The following GRID1 variants were observed in gnomAD, a reference collection of about 807,000 sequenced individuals.
GRID1 encodes glutamate receptor ionotropic, delta-1.
In GRID1, 28 loss-of-function variants were observed where a neutral mutation model predicts 98.0. The ratio of observed to expected loss-of-function variants is 0.29; its 90% CI spans 0.21 to 0.39. GRID1 has a LOEUF of 0.39. Among genes scored for constraint, GRID1 ranks in the 10% least tolerant of loss-of-function variants. The pLI, the probability that GRID1 is intolerant of heterozygous loss-of-function variation, is 1.00. For missense variants in GRID1, 1,111 were observed against 1,340.5 expected (o/e 0.83, Z 2.67); for synonymous variants, 553 against 538.5 (o/e 1.03, Z -0.37).
intron 8 of GRID1, among the ~76,000 whole-genome samples, chr10:85,847,761 T>C (rs1843020435): frequency 6.6e-6 from 1 of 151,306 alleles, no homozygotes; most frequent in Admixed American, 6.6e-5. Flanking sequence ...AAAGTATGAG[T>C]AAACAGTATC....
intron 3 of GRID1, among the ~76,000 whole-genome samples, chr10:86,172,940 C>T (rs560582804): frequency 1.3e-5 from 2 of 152,332 alleles, no homozygotes; most frequent in Non-Finnish European, 2.9e-5. Flanking sequence ...ACCTACACCT[C>T]ACCCACCCTC....
At position 86,112,125 on chromosome 10, in the gene GRID1, G is replaced by C. The variant is rs1390316342; in HGVS notation, c.726+26694C>G. The stretch of plus-strand genomic sequence containing the variant: ...CACAGGAGTTGTCCAAGTCATCCCA[G>C]GTGAGGACACAGCACCTCATCCCTA... On this transcript the variant is annotated intron_variant, in intron 4 of 15. Transcript: ENST00000327946. 2.0e-5 allele frequency among the ~76,000 whole-genome samples: 3 copies of C among 152,146 alleles called. No homozygotes were observed. The East Asian group carries it at 5.8e-4, about 29-fold the overall frequency.
intron 2 of GRID1, among the ~76,000 whole-genome samples, chr10:86,291,995 C>T (rs985455498): frequency 2.6e-5 from 4 of 152,242 alleles, no homozygotes; most frequent in African/African-American, 7.2e-5. Flanking sequence ...TATTCCTCTC[C>T]TTCACTGTCA....
intron 12 of GRID1, among the ~76,000 whole-genome samples, chr10:85,698,859 G>A (rs1369877033): frequency 6.6e-6 from 1 of 152,166 alleles, no homozygotes; most frequent in African/African-American, 2.4e-5. Context: ...GTGTGTAGTG[G>A]TATTCCACTG....
chr10:85,888,718 T>A (rs1255063511), intron 5 of GRID1, among the ~76,000 whole-genome samples: 1 of 152,192 alleles, frequency 6.6e-6, no homozygotes, highest in African/African-American at 2.4e-5. Flanking sequence ...TTTTTTCTTG[T>A]CACCTACTTT....
intron 5 of GRID1, among the ~76,000 whole-genome samples, chr10:85,890,691 C>A (rs1456167960): frequency 6.6e-6 from 1 of 152,010 alleles, no homozygotes; most frequent in Non-Finnish European, 1.5e-5. Context: ...GTGCTATCTT[C>A]CTAGCTCTGA....
intron 7 of GRID1, among the ~76,000 whole-genome samples, chr10:85,855,351 G>A (rs1843099666): frequency 6.6e-6 from 1 of 152,222 alleles, no homozygotes; most frequent in South Asian, 2.1e-4. Context: ...AGCCCAGGGT[G>A]AGATTCTCAT....
intron 2 of GRID1, among the ~76,000 whole-genome samples, chr10:86,236,972 T>C (rs4934164): frequency 0.13 from 19,398 of 151,964 alleles, 1,283 homozygotes; most frequent in Middle Eastern, 0.23. Context: ...CGTGGTGAGA[T>C]ACACTCAGGA....
intron 2 of GRID1, among the ~76,000 whole-genome samples, chr10:86,276,783 C>A (rs1009754650): frequency 6.6e-6 from 1 of 152,134 alleles, no homozygotes. Flanking sequence ...AGCCACCGCA[C>A]CCAGCCATCA....
chr10:86,113,863 T>C lies in GRID1; in HGVS notation c.726+24956A>G, dbSNP rs555642057. Among the ~76,000 whole-genome samples the C allele has an allele frequency of 2.0e-4, 30 of 152,286 alleles. No homozygotes were observed. In the South Asian group the frequency reaches 5.4e-3, roughly 27 times the overall value. On this transcript the variant is annotated intron_variant, in intron 4 of 15. Coordinates refer to ENST00000327946, the MANE Select transcript of GRID1 (RefSeq NM_017551.3). The stretch of plus-strand genomic sequence containing the variant: ...CCCAAGAACACCCATCCAGAACTAA[T>C]GGGTAGAAGCCACAGGACAGCTTTT...
chr10:85,764,568 C>A (rs1053466511), intron 8 of GRID1, among the ~76,000 whole-genome samples: 1 of 152,134 alleles, frequency 6.6e-6, no homozygotes, highest in Non-Finnish European at 1.5e-5. Flanking sequence ...CAATACAGGG[C>A]CCAGGAAATG....
intron 4 of GRID1, among the ~76,000 whole-genome samples, chr10:86,068,560 A>G (rs1016822344): frequency 1.3e-5 from 2 of 152,224 alleles, no homozygotes; most frequent in Non-Finnish European, 2.9e-5. Context: ...TCACTGGTCA[A>G]TAGATTGAGG....
intron 2 of GRID1, among the ~76,000 whole-genome samples, chr10:86,223,642 G>C (rs548681444): frequency 6.6e-6 from 1 of 152,348 alleles, no homozygotes; most frequent in African/African-American, 2.4e-5. Context: ...CTCCAACAAG[G>C]GCAGCTCAGC....
chr10:85,632,260 A>C (rs34144044), intron 13 of GRID1, among the ~76,000 whole-genome samples: 1 of 151,878 alleles, frequency 6.6e-6, no homozygotes, highest in Non-Finnish European at 1.5e-5. Context: ...GAGGCTTCAC[A>C]GACAGCATCA....
intron 4 of GRID1, among the ~76,000 whole-genome samples, chr10:86,063,816 C>G (rs184658236): frequency 6.6e-6 from 1 of 152,094 alleles, no homozygotes; most frequent in Non-Finnish European, 1.5e-5. Flanking sequence ...AACTCAGGGG[C>G]CTGTTTTTAT....
At chr10:85,740,617 T>C (rs1472659581) in intron 8 of GRID1, among the ~76,000 whole-genome samples, 2 of 152,154 alleles carry the variant, frequency 1.3e-5, no homozygotes, top group African/African-American at 2.4e-5. Flanking sequence ...GATTTTTCCT[T>C]GTACCTCCAG....
intron 12 of GRID1, among the ~76,000 whole-genome samples, chr10:85,697,673 C>T (rs1011558018): frequency 2.0e-5 from 3 of 152,172 alleles, no homozygotes; most frequent in African/African-American, 7.2e-5. Flanking sequence ...AACCACCTTC[C>T]TTTACAAGTT....
intron 11 of GRID1, 83 bp from the exon 12 acceptor site, chr10:85,723,224 G>T: frequency 7.3e-7 from 1 of 1,369,006 alleles, no homozygotes; most frequent in Non-Finnish European, 9.8e-7. Flanking sequence ...CCTGCAGCCA[G>T]GCACACAGGC....
intron 3 of GRID1, among the ~76,000 whole-genome samples, chr10:86,199,664 G>A (rs1845921006): frequency 6.6e-6 from 1 of 152,142 alleles, no homozygotes; most frequent in Non-Finnish European, 1.5e-5. Context: ...TGAAGCAAGG[G>A]CTAGAGGGAC....
Sources: gnomAD v4.1 joint callset for allele counts (sites outside exome capture counted in the v4.1 genomes callset) on GRCh38, gnomAD v4.1.1 for gene constraint, MANE v1.5 for transcripts, NCBI Gene and HGNC (gene_info 2026-07-23, HGNC 2026-07-21) for gene names.